The following ANKRD12 variants were observed in gnomAD, a reference collection of about 807,000 sequenced individuals.
ANKRD12 encodes the protein ankyrin repeat domain 12.
In ANKRD12, 85 loss-of-function variants were observed where a neutral mutation model predicts 183.4. The observed-to-expected ratio is 0.46, with a 90% CI of 0.39 to 0.56. The LOEUF is 0.56. Among genes scored for constraint, ANKRD12 ranks in the 20% least tolerant of loss-of-function variants. The probability of loss-of-function intolerance (pLI) is 0.00; values close to 1 mark genes in which losing one functional copy is unlikely to be tolerated. For synonymous variants in ANKRD12, 914 were observed against 800.2 expected, an observed-to-expected ratio of 1.14 and a Z score of -2.40; for missense variants, 2,405 against 2,357.1, an observed-to-expected ratio of 1.02 and a Z score of -0.42.
rs764460575 is a variant in ANKRD12 at position 9,255,819 on chromosome 18, A to G, written c.2552A>G (p.His851Arg). The G allele has an allele frequency of 5.7e-6, 9 of 1,578,384 alleles. No homozygotes were observed. Among genetic ancestry groups the G allele is most frequent in the South Asian group, 2.4e-5 (2 of 82,976 alleles). Residue 851 changes from histidine (H) to arginine (R), a missense_variant, in exon 9 of 13, where the codon CAT becomes CGT. Coordinates refer to ENST00000262126, the MANE Select transcript of ANKRD12 (RefSeq NM_015208.5). Reference protein sequence around the residue: ...FEKEKKIKHEHKSEKDKLDLS... With the variant: ...FEKEKKIKHERKSEKDKLDLS... Reference sequence around the variant, plus strand: ...AAAGAAAAGAAGATAAAACATGAGCATAAGTCAGAAAAAGACAAATTAGAT... The same window carrying G: ...AAAGAAAAGAAGATAAAACATGAGCGTAAGTCAGAAAAAGACAAATTAGAT...
chr18:9,279,532 T>G lies in ANKRD12; in HGVS notation c.5908-17T>G. On this transcript the variant is annotated splice_polypyrimidine_tract_variant and intron_variant, in intron 11 of 12. Coordinates refer to ENST00000262126, the MANE Select transcript of ANKRD12 (RefSeq NM_015208.5). ...AGTGATTTATTGTATTTTATAATAC[T>G]CACTTTTCTCTTTTAGTCTGATGAC... The G allele has an allele frequency of 6.9e-7, 1 of 1,441,114 alleles. No individual in the cohort carries two copies. The highest frequency in any genetic ancestry group is 9.7e-7 in the Non-Finnish European group (1 of 1,033,890). The allele number at this position is 1,441,114 out of a possible 1,614,324, so 89.3% of individuals were successfully genotyped here. A position where few individuals can be genotyped will look rare whatever the true frequency, so the allele number is the denominator to read the frequency against.
At chr18:9,263,407 G>A (rs1188157359) in intron 9 of ANKRD12, among the ~76,000 whole-genome samples, 1 of 152,068 alleles carries the variant, frequency 6.6e-6, no homozygotes, top group Admixed American at 6.5e-5. Flanking sequence ...TCACTATATA[G>A]ATACCAATTG....
chr18:9,200,485 C>T (rs528298067), intron 3 of ANKRD12: 2 of 152,252 alleles, frequency 1.3e-5, no homozygotes, highest in South Asian at 4.1e-4. Flanking sequence ...CTAATTTTTA[C>T]CTTTTCCTTT....
At chr18:9,266,137 T>C (rs1472450898) in intron 10 of ANKRD12, among the ~76,000 whole-genome samples, 1 of 152,228 alleles carries the variant, frequency 6.6e-6, no homozygotes, top group Non-Finnish European at 1.5e-5. Flanking sequence ...AATCTACGTC[T>C]GATTGGTGTA....
chr18:9,276,506 G>A (rs960406036), intron 11 of ANKRD12, among the ~76,000 whole-genome samples: 2 of 152,114 alleles, frequency 1.3e-5, no homozygotes, highest in Admixed American at 1.3e-4. Context: ...TTGAGCTCAG[G>A]AGTTCAAGAC....
At chr18:9,154,812 G>A (rs1248972344) in intron 1 of ANKRD12, among the ~76,000 whole-genome samples, 1 of 152,152 alleles carries the variant, frequency 6.6e-6, no homozygotes, top group Non-Finnish European at 1.5e-5. Context: ...GGATGTTGGT[G>A]GCATTTATTG....
chr18:9,228,386 G>A (rs1214236728), intron 8 of ANKRD12, among the ~76,000 whole-genome samples: 1 of 152,052 alleles, frequency 6.6e-6, no homozygotes, highest in Non-Finnish European at 1.5e-5. Flanking sequence ...AATTTTCTGA[G>A]AAATCTCCAA....
At chr18:9,178,434 G>T (rs2033455105) in intron 1 of ANKRD12, among the ~76,000 whole-genome samples, 1 of 151,944 alleles carries the variant, frequency 6.6e-6, no homozygotes, top group African/African-American at 2.4e-5. Context: ...CAGATTTGTT[G>T]AAAATCGGTT....
chr18:9,226,887 C>T (rs1397815152), intron 8 of ANKRD12, among the ~76,000 whole-genome samples: 1 of 151,942 alleles, frequency 6.6e-6, no homozygotes, highest in Non-Finnish European at 1.5e-5. Context: ...TCGTAAGAAA[C>T]CAATAAAGGC....
chr18:9,251,672 T>TAGTCC (rs1379360740), intron 8 of ANKRD12, among the ~76,000 whole-genome samples: 1 of 152,068 alleles, frequency 6.6e-6, no homozygotes, highest in Non-Finnish European at 1.5e-5. Context: ...CAGGCGCCTG[T>TAGTCC]AGTCCCAGCT....
At chr18:9,144,997 A>T (rs774984470) in intron 1 of ANKRD12, among the ~76,000 whole-genome samples, 1 of 152,212 alleles carries the variant, frequency 6.6e-6, no homozygotes, top group Non-Finnish European at 1.5e-5. Context: ...GTGAAAAGTC[A>T]TGAAGTATTC....
chr18:9,258,219 A>G lies in ANKRD12; in HGVS notation c.4952A>G (p.Asp1651Gly), dbSNP rs2038756913. The change falls in exon 9 of 13, where the codon GAT (aspartate) becomes GGT (glycine). Residue 1651 changes from aspartate (D) to glycine (G), a missense_variant. Asp to Gly is a moderately conservative substitution (Grantham distance 94, BLOSUM62 -1). Transcript: ENST00000262126. ...ACTCATTTGAGTAGGTGTGATTCTG[A>G]TTTATGTGAAATGAATGCAGGGATG... The part of the protein sequence containing the change: ...VLTHLSRCDS[D>G]LCEMNAGMPK... 6.2e-7 allele frequency: 1 copy of G among 1,613,862 alleles called. No individual in the cohort carries two copies. Among genetic ancestry groups the G allele is most frequent in the Non-Finnish European group, 8.5e-7 (1 of 1,179,952 alleles).
intron 1 of ANKRD12, among the ~76,000 whole-genome samples, chr18:9,147,712 T>C (rs2078540263): frequency 6.6e-6 from 1 of 152,196 alleles, no homozygotes; most frequent in South Asian, 2.1e-4. Context: ...TAGTGAAAGC[T>C]AAACTTCAAC....
chr18:9,176,440 A>G (rs2033273667), intron 1 of ANKRD12, among the ~76,000 whole-genome samples: 1 of 151,658 alleles, frequency 6.6e-6, no homozygotes, highest in African/African-American at 2.4e-5. Context: ...ACAGGCACAT[A>G]CCACCATGGC....
intron 9 of ANKRD12, among the ~76,000 whole-genome samples, chr18:9,263,097 G>A (rs1308321777): frequency 6.6e-6 from 1 of 152,032 alleles, no homozygotes; most frequent in Non-Finnish European, 1.5e-5. Flanking sequence ...TGCCCGGCCA[G>A]TGTATCTTAT....
rs1415192744 is a variant in ANKRD12, at chr18:9,208,575, A to G, written c.305-82A>G. The G allele has an allele frequency of 5.7e-6, 7 of 1,234,702 alleles. No homozygotes were observed. The African/African-American group carries it at 6.1e-5, about 11-fold the overall frequency. The allele number at this position is 1,234,702 out of a possible 1,614,324, so 76.5% of individuals were successfully genotyped here. On this transcript the variant is annotated intron_variant, in intron 4 of 12. Coordinates refer to ENST00000262126, the MANE Select transcript of ANKRD12 (RefSeq NM_015208.5). Reference sequence around the variant, plus strand: ...CACATTTCTCATATATATGTACAGCATCTATCAAAAAATTCATCTTAAACT... The same window carrying G: ...CACATTTCTCATATATATGTACAGCGTCTATCAAAAAATTCATCTTAAACT...
chr18:9,256,181 ATAAC>A lies in ANKRD12; in HGVS notation c.2920_2923del (p.Asn974ProfsTer12). On this transcript the variant is annotated frameshift_variant, in exon 9 of 13. Transcript: ENST00000262126. LOFTEE classifies it high-confidence loss of function. ...ATCTAGAGATAAAGAAAGTATAAAT[ATAAC>A]TAACTCCAAACACATACAGGAAGAA... 1 of 1,564,002 alleles carries A rather than the reference ATAAC, an allele frequency of 6.4e-7. No homozygotes were observed. The highest frequency in any genetic ancestry group is 1.2e-5 in the South Asian group (1 of 81,656).
intron 2 of ANKRD12, among the ~76,000 whole-genome samples, chr18:9,193,883 G>A (rs1567900911): frequency 1.3e-5 from 2 of 152,200 alleles, no homozygotes; most frequent in Non-Finnish European, 2.9e-5. Flanking sequence ...TCATACCCCA[G>A]TTTTAGATGT....
intron 1 of ANKRD12, among the ~76,000 whole-genome samples, chr18:9,148,748 A>G (rs1002542577): frequency 1.3e-5 from 2 of 152,054 alleles, no homozygotes; most frequent in Non-Finnish European, 2.9e-5. Flanking sequence ...TGTCTTAGGT[A>G]ATTCCTCTTA....
Sources: gnomAD v4.1 joint callset for allele counts (sites outside exome capture counted in the v4.1 genomes callset) on GRCh38, gnomAD v4.1.1 for gene constraint, MANE v1.5 for transcripts, NCBI Gene and HGNC (gene_info 2026-07-23, HGNC 2026-07-21) for gene names.